The following STAG1 variants were observed in gnomAD, a reference collection of about 807,000 sequenced individuals.
STAG1 encodes the protein cohesin subunit SA-1.
A neutral mutation model predicts 170.9 loss-of-function variants in STAG1; 26 were observed. The ratio of observed to expected loss-of-function variants is 0.15; its 90% CI spans 0.11 to 0.21. The LOEUF (loss-of-function observed/expected upper bound fraction) is 0.21. Among genes scored for constraint, STAG1 ranks in the 10% least tolerant of loss-of-function variants. STAG1 has a pLI of 1.00. For synonymous variants in STAG1, 514 were observed against 497.7 expected, an observed-to-expected ratio of 1.03 and a Z score of -0.44; for missense variants, 964 against 1,509.5, an observed-to-expected ratio of 0.64 and a Z score of 5.99.
intron 10 of STAG1, 70 bp from the exon 11 acceptor site, chr3:136,473,707 A>G (rs1272822720): frequency 8.6e-7 from 1 of 1,163,504 alleles, no homozygotes; most frequent in Non-Finnish European, 1.3e-6. Context: ...GTCTATATGA[A>G]GACTAAAATT....
At chr3:136,367,983 A>G (rs1160109038) in intron 24 of STAG1, among the ~76,000 whole-genome samples, 2 of 152,140 alleles carry the variant, frequency 1.3e-5, no homozygotes, top group Admixed American at 6.6e-5. Context: ...TTTGGAATCA[A>G]CCTTCTTTCT....
chr3:136,592,191 T>C lies in STAG1; in HGVS notation c.297+12118A>G, dbSNP rs150618822. The stretch of plus-strand genomic sequence containing the variant: ...ACAGACCCATACTTGCTGATATAGT[T>C]TGGCTATGTCTCTACCCAAATCTCA... On this transcript the variant is annotated intron_variant, in intron 4 of 33. Transcript: ENST00000383202. 2.1e-3 allele frequency among the ~76,000 whole-genome samples: 325 copies of C among 152,280 alleles called. 1 individual carries two copies. The highest frequency in any genetic ancestry group is 0.02 in the South Asian group (96 of 4,818).
At chr3:136,506,476 C>CA (rs11414654) in intron 7 of STAG1, among the ~76,000 whole-genome samples, 36,964 of 85,366 alleles carry the variant, frequency 0.43, 7,326 homozygotes, top group African/African-American at 0.61. Context: ...ACTAAAAATA[C>CA]AAAAAAAAAA....
At chr3:136,635,274 A>G (rs921344859) in intron 1 of STAG1, among the ~76,000 whole-genome samples, 2 of 152,212 alleles carry the variant, frequency 1.3e-5, no homozygotes, top group African/African-American at 4.8e-5. Flanking sequence ...TTACATGAAG[A>G]CCAAGTGGGA....
At chr3:136,468,165 A>C (rs1277360643) in intron 12 of STAG1, among the ~76,000 whole-genome samples, 3 of 152,330 alleles carry the variant, frequency 2.0e-5, no homozygotes, top group South Asian at 2.1e-4. Flanking sequence ...TCAGAGCAGA[A>C]CTGAAGGAGA....
intron 9 of STAG1, among the ~76,000 whole-genome samples, chr3:136,488,839 CTCA>C (rs1218991030): frequency 2.0e-5 from 3 of 152,240 alleles, no homozygotes; most frequent in South Asian, 4.2e-4. Flanking sequence ...AACATATTTC[CTCA>C]TAAGAGTCCT....
At chr3:136,493,972 C>A (rs1932928725) in intron 9 of STAG1, among the ~76,000 whole-genome samples, 1 of 152,096 alleles carries the variant, frequency 6.6e-6, no homozygotes, top group South Asian at 2.1e-4. Context: ...TCAAAAACAA[C>A]AAAAAATCTG....
intron 22 of STAG1, among the ~76,000 whole-genome samples, chr3:136,378,873 A>C (rs1198268046): frequency 6.6e-6 from 1 of 152,202 alleles, no homozygotes; most frequent in Non-Finnish European, 1.5e-5. Context: ...TTAAAACAGT[A>C]ATGCAGACTA....
At chr3:136,429,585 GAC>G (rs1298184113) in intron 16 of STAG1, among the ~76,000 whole-genome samples, 1 of 152,158 alleles carries the variant, frequency 6.6e-6, no homozygotes, top group Non-Finnish European at 1.5e-5. Flanking sequence ...CTTCTTTGGT[GAC>G]ACAGACCCTT....
chr3:136,469,782 C>T (rs1388747133), intron 12 of STAG1, among the ~76,000 whole-genome samples: 2 of 151,998 alleles, frequency 1.3e-5, no homozygotes, highest in Non-Finnish European at 2.9e-5. Flanking sequence ...GGTACCAAAA[C>T]AGAGATATAG....
intron 23 of STAG1, among the ~76,000 whole-genome samples, chr3:136,371,293 C>T (rs1008208319): frequency 6.6e-6 from 1 of 152,088 alleles, no homozygotes; most frequent in Non-Finnish European, 1.5e-5. Context: ...AATTTTCTCC[C>T]ATTCTGTAGG....
intron 21 of STAG1, among the ~76,000 whole-genome samples, chr3:136,408,833 G>T (rs1406163550): frequency 6.6e-6 from 1 of 152,082 alleles, no homozygotes; most frequent in Non-Finnish European, 1.5e-5. Context: ...ATGGATAGAA[G>T]AATACTAAAA....
intron 21 of STAG1, among the ~76,000 whole-genome samples, chr3:136,405,586 T>G (rs1228408949): frequency 6.6e-6 from 1 of 151,408 alleles, no homozygotes; most frequent in Non-Finnish European, 1.5e-5. Context: ...CCAGGTGTGG[T>G]GGTTCATGCC....
intron 1 of STAG1, among the ~76,000 whole-genome samples, chr3:136,706,615 T>C (rs949641875): frequency 1.3e-5 from 2 of 152,236 alleles, no homozygotes; most frequent in Non-Finnish European, 2.9e-5. Flanking sequence ...GATCATTTAA[T>C]ATTGTTAAAA....
chr3:136,728,712 T>C (rs987693534), intron 1 of STAG1, among the ~76,000 whole-genome samples: 3 of 152,206 alleles, frequency 2.0e-5, no homozygotes, highest in Non-Finnish European at 4.4e-5. Context: ...CCACACTGGA[T>C]AGCACAAACA....
At chr3:136,442,049 T>A (rs527747972) in intron 15 of STAG1, among the ~76,000 whole-genome samples, 25 of 152,212 alleles carry the variant, frequency 1.6e-4, no homozygotes, top group Non-Finnish European at 3.4e-4. Context: ...AGTACAAAAA[T>A]TAGCTGGGCA....
chr3:136,565,079 AGGGAGGGAGGG>A (rs1937020706), intron 5 of STAG1, among the ~76,000 whole-genome samples: 1 of 33,874 alleles, frequency 3.0e-5, no homozygotes, highest in African/African-American at 1.3e-4. Context: ...GGAGGGAGGG[AGGGAGGGAGGG>A]AGGAAAGGAA....
chr3:136,652,146 T>G (rs890526361), intron 1 of STAG1, among the ~76,000 whole-genome samples: 2 of 152,210 alleles, frequency 1.3e-5, no homozygotes, highest in African/African-American at 4.8e-5. Flanking sequence ...TTAAAACCTT[T>G]CACATCAAAA....
chr3:136,725,574 G>A (rs1933617113), intron 1 of STAG1, among the ~76,000 whole-genome samples: 1 of 152,154 alleles, frequency 6.6e-6, no homozygotes, highest in Admixed American at 6.5e-5. Flanking sequence ...GATGACTTAT[G>A]GGATATGAGA....
Sources: gnomAD v4.1 joint callset for allele counts (sites outside exome capture counted in the v4.1 genomes callset) on GRCh38, gnomAD v4.1.1 for gene constraint, MANE v1.5 for transcripts, NCBI Gene and HGNC (gene_info 2026-07-23, HGNC 2026-07-21) for gene names.